ZHX3: variants seen among roughly 807,000 people sequenced by gnomAD.
ZHX3 encodes zinc fingers and homeoboxes protein 3.
In ZHX3, 20 loss-of-function variants were observed where a neutral mutation model predicts 64.5. The ratio of observed to expected loss-of-function variants is 0.31; its 90% CI spans 0.22 to 0.45. ZHX3 has a LOEUF of 0.45. ZHX3 is among the 20% of genes least tolerant of loss of function. The probability of loss-of-function intolerance (pLI) is 1.00; values close to 1 mark genes in which losing one functional copy is unlikely to be tolerated. For synonymous variants in ZHX3, 423 were observed against 461.6 expected (o/e 0.92, Z 1.07); for missense variants, 1,041 against 1,195.8 (o/e 0.87, Z 1.91).
intron 2 of ZHX3, among the ~76,000 whole-genome samples, chr20:41,225,022 G>A (rs907588381): frequency 5.3e-5 from 8 of 152,220 alleles, no homozygotes; most frequent in African/African-American, 1.9e-4. Context: ...GTAGCATATA[G>A]CACAATGTCT....
chr20:41,229,429 T>A (rs1201345973), intron 2 of ZHX3, among the ~76,000 whole-genome samples: 1 of 152,182 alleles, frequency 6.6e-6, no homozygotes, highest in Non-Finnish European at 1.5e-5. Flanking sequence ...GAAGTGGAAT[T>A]GCTTAATCAC....
rs549407632 is a variant in ZHX3, at chr20:41,183,212, C to G, written c.*1979G>C. On this transcript the variant is annotated 3_prime_UTR_variant, in exon 4 of 4. Coordinates refer to ENST00000683867, the MANE Select transcript of ZHX3 (RefSeq NM_001384317.1). This position sits in a 1 kb window ranked among gnomAD's most constrained non-coding sequence, Gnocchi z 5.3. ...ATATATATATATAAATTAATCTGCA[C>G]GTATATAAACACTAAAAGGAGAAAT... is the stretch of plus-strand genomic sequence containing the variant. The G allele has an allele frequency of 4.6e-5, 7 of 152,042 alleles. No homozygotes were observed. The highest frequency in any genetic ancestry group is 2.1e-4 in the South Asian group (1 of 4,828). The allele number at this position is 152,042 out of a possible 1,614,324, so 9.4% of individuals were successfully genotyped here. A position where few individuals can be genotyped will look rare whatever the true frequency, so the allele number is the denominator to read the frequency against.
intron 2 of ZHX3, among the ~76,000 whole-genome samples, chr20:41,249,404 A>C (rs1212133522): frequency 6.6e-6 from 1 of 152,214 alleles, no homozygotes; most frequent in Non-Finnish European, 1.5e-5. Flanking sequence ...AATCATGCTA[A>C]AAGTATAACA....
In ZHX3 at chr20:41,224,572, T is replaced by G. The variant is rs1035923637; in HGVS notation, c.-150-19506A>C. On this transcript the variant is annotated intron_variant, in intron 2 of 3. Transcript: ENST00000683867. This position sits in a 1 kb window ranked among gnomAD's most constrained non-coding sequence, Gnocchi z 5.2. ...TACCATGACTAATACAACCAAAAAC[T>G]GAGCTAGATACAAGTTCTATTCTCC... Among the ~76,000 whole-genome samples the G allele has an allele frequency of 2.0e-5, 3 of 152,188 alleles. No individual in the cohort carries two copies.
chr20:41,187,151 T>TAC (rs1489665627), intron 3 of ZHX3, among the ~76,000 whole-genome samples: 2 of 151,706 alleles, frequency 1.3e-5, no homozygotes, highest in African/African-American at 4.8e-5. Flanking sequence ...AGATCCTGTC[T>TAC]ACACACACAC....
intron 1 of ZHX3, among the ~76,000 whole-genome samples, chr20:41,307,835 C>A (rs11698662): frequency 0.047 from 7,173 of 152,270 alleles, 246 homozygotes; most frequent in South Asian, 0.1. Context: ...ATCTGTGATC[C>A]TATAACATTT....
chr20:41,204,069 T>C lies in ZHX3; in HGVS notation c.848A>G (p.Gln283Arg), dbSNP rs1568818862. 1 of 1,612,440 alleles carries C rather than the reference T, an allele frequency of 6.2e-7. No homozygotes were observed. The highest frequency in any genetic ancestry group is 1.1e-5 in the South Asian group (1 of 90,752). The change falls in exon 3 of 4, where the codon CAA (glutamine) becomes CGA (arginine). Residue 283 changes from glutamine to arginine, a missense_variant. Physicochemically the swap from Gln to Arg is conservative, Grantham distance 43 (BLOSUM62 1). This residue lies in a region of ZHX3 where 358 missense variants were observed against 369.1 expected (regional missense o/e 0.97). Coordinates refer to ENST00000683867, the MANE Select transcript of ZHX3 (RefSeq NM_001384317.1). This position sits in a 1 kb window ranked among gnomAD's most constrained non-coding sequence, Gnocchi z 6.6. ...GGGCAGTGGCTGGTGGACATGGTGT[T>C]GGGCATGCACTGGGGGCTGCTGCTG... ...SLQQQPPVHAQHHVHQPLPTA... is the reference protein window; with the variant it reads ...SLQQQPPVHARHHVHQPLPTA...
chr20:41,283,918 G>A (rs2043813605), intron 1 of ZHX3, among the ~76,000 whole-genome samples: 1 of 152,182 alleles, frequency 6.6e-6, no homozygotes, highest in African/African-American at 2.4e-5. Context: ...AGAAGATGAG[G>A]AGAGAAGAGA....
chr20:41,223,000 G>A (rs916818350), intron 2 of ZHX3, among the ~76,000 whole-genome samples: 3 of 151,896 alleles, frequency 2.0e-5, no homozygotes, highest in Non-Finnish European at 2.9e-5. Context: ...GGCTTAGTCT[G>A]TATTGATGAT....
intron 2 of ZHX3, among the ~76,000 whole-genome samples, chr20:41,263,312 T>A (rs914387607): frequency 6.6e-6 from 1 of 152,110 alleles, no homozygotes; most frequent in Non-Finnish European, 1.5e-5. Context: ...AGAGCAGTAT[T>A]GCTTTCTGTG....
chr20:41,312,222 A>T (rs1343009819), intron 1 of ZHX3, among the ~76,000 whole-genome samples: 1 of 152,144 alleles, frequency 6.6e-6, no homozygotes, highest in African/African-American at 2.4e-5. Flanking sequence ...AAAACGCACC[A>T]ATCAGCACTC....
chr20:41,271,643 A>G (rs961605423), intron 1 of ZHX3, among the ~76,000 whole-genome samples: 1 of 152,114 alleles, frequency 6.6e-6, no homozygotes, highest in African/African-American at 2.4e-5. Flanking sequence ...CAACAGCCTC[A>G]TTCATAAAAA....
intron 2 of ZHX3, among the ~76,000 whole-genome samples, chr20:41,249,647 C>T (rs990460594): frequency 1.3e-5 from 2 of 152,192 alleles, no homozygotes; most frequent in African/African-American, 2.4e-5. Flanking sequence ...AATCTACTCA[C>T]CATTTAAAAC....
At chr20:41,236,371 T>C (rs2040990711) in intron 2 of ZHX3, among the ~76,000 whole-genome samples, 1 of 152,126 alleles carries the variant, frequency 6.6e-6, no homozygotes, top group Non-Finnish European at 1.5e-5. Context: ...CTTCAAACTA[T>C]ACTACAAGGC....
rs1388831493 is a variant in ZHX3 at position 41,196,458 on chromosome 20, T to TA, written c.2860+5598_2860+5599insT. 4.8e-4 allele frequency among the ~76,000 whole-genome samples: 5 copies of TA among 10,350 alleles called. 1 individual carries two copies. The highest frequency in any genetic ancestry group is 7.7e-4 in the Non-Finnish European group (5 of 6,500). 6.8% of individuals were successfully genotyped at this position (10,350 alleles called of 152,430 possible). A position where few individuals can be genotyped will look rare whatever the true frequency, so the allele number is the denominator to read the frequency against. Reference sequence around the variant, plus strand: ...AATATATATATTATATATAATATATTTATATATAATATATATTTATATATT... The same window carrying TA: ...AATATATATATTATATATAATATATTATATATATAATATATATTTATATATT... On this transcript the variant is annotated intron_variant, in intron 3 of 3. Coordinates refer to ENST00000683867, the MANE Select transcript of ZHX3 (RefSeq NM_001384317.1).
chr20:41,223,211 C>T (rs1168019105), intron 2 of ZHX3, among the ~76,000 whole-genome samples: 1 of 152,184 alleles, frequency 6.6e-6, no homozygotes, highest in Admixed American at 6.5e-5. Context: ...TCATACACTG[C>T]TTGCTGGAGT....
chr20:41,205,147 G>T, intron 2 of ZHX3, 81 bp from the exon 3 acceptor site: 1 of 586,038 alleles, frequency 1.7e-6, no homozygotes, highest in Non-Finnish European at 2.5e-6. Flanking sequence ...ACATTCCACT[G>T]CTTGCCTTCT....
In ZHX3 at chr20:41,204,802, G is replaced by T. The variant is rs2038567054; in HGVS notation, c.115C>A (p.Gln39Lys). 1 of 1,612,954 alleles carries T rather than the reference G, an allele frequency of 6.2e-7. No homozygotes were observed. The highest frequency in any genetic ancestry group is 1.3e-5 in the African/African-American group (1 of 74,930). Residue 39 changes from glutamine (Q) to lysine (K), a missense_variant, in exon 3 of 4, where the codon CAG becomes AAG. By Grantham distance (53) the Gln-to-Lys change is moderately conservative (BLOSUM62 1). This residue lies in a region of ZHX3 where 358 missense variants were observed against 369.1 expected (regional missense o/e 0.97). Transcript: ENST00000683867. This position sits in a 1 kb window ranked among gnomAD's most constrained non-coding sequence, Gnocchi z 6.6. ...PAETLPEGPQ[Q>K]DLPPEASAAS... is the part of the protein sequence containing the mutation. The stretch of plus-strand genomic sequence containing the variant: ...GCAGATGCTTCTGGGGGCAGATCCT[G>T]CTGGGGTCCTTCAGGCAAGGTCTCA...
Position 41,184,869 on chromosome 20 carries a change from T to C in ZHX3, c.*322A>G. 1 of 1,492,326 alleles carries C rather than the reference T, an allele frequency of 6.7e-7. No individual in the cohort carries two copies. Among genetic ancestry groups the C allele is most frequent in the South Asian group, 1.3e-5 (1 of 77,280 alleles). 92.4% of individuals were successfully genotyped at this position (1,492,326 alleles called of 1,614,324 possible). On this transcript the variant is annotated 3_prime_UTR_variant, in exon 4 of 4. Transcript: ENST00000683867. ...TTTATTTAACATATAGAGGTGGATGTATATGTTAAAAGCTTGATTCTGTGT... is the reference window on the plus strand; with the variant it reads ...TTTATTTAACATATAGAGGTGGATGCATATGTTAAAAGCTTGATTCTGTGT...
Sources: gnomAD v4.1 joint callset for allele counts (sites outside exome capture counted in the v4.1 genomes callset) on GRCh38, gnomAD v4.1.1 for gene constraint, gnomAD v4.1.1 regional missense constraint, Gnocchi (gnomAD v3.1) non-coding constraint, MANE v1.5 for transcripts, NCBI Gene and HGNC (gene_info 2026-07-23, HGNC 2026-07-21) for gene names.